The following RUNX1 variants were observed in gnomAD, a reference collection of about 807,000 sequenced individuals.
The protein encoded by RUNX1 is RUNX family transcription factor 1, also known as runt-related transcription factor 1.
Under a neutral mutation model 42.8 loss-of-function variants are expected in RUNX1, and 19 were observed. That is an observed-to-expected ratio of 0.44 (90% CI 0.31 to 0.65). The LOEUF (loss-of-function observed/expected upper bound fraction) is 0.65. Among genes scored for constraint, RUNX1 ranks in the 30% least tolerant of loss-of-function variants. The probability of loss-of-function intolerance (pLI) is 0.07; values close to 1 mark genes in which losing one functional copy is unlikely to be tolerated. For synonymous variants in RUNX1, 271 were observed against 289.4 expected (o/e 0.94, Z 0.64); for missense variants, 528 against 672.0 (o/e 0.79, Z 2.37).
rs2056577314 is a variant in RUNX1 at position 34,799,422 on chromosome 21, A to T, written c.846T>A (p.Asp282Glu). ...QIQPSPPWSYDQSYQYLGSIA... is the reference protein window; with the variant it reads ...QIQPSPPWSYEQSYQYLGSIA... ...TGGATCCCAGGTATTGGTAGGACTG[A>T]TCGTAGGACCACGGTGGGGATGGTT... Residue 282 changes from aspartate to glutamate, a missense_variant, in exon 8 of 9, where the codon GAT (aspartate) becomes GAA (glutamate). By Grantham distance (45) the Asp-to-Glu change is conservative. Around this residue, in one of 3 missense-constraint regions of RUNX1, gnomAD observed 331 missense variants for 382.5 expected, o/e 0.87. Coordinates refer to ENST00000675419, the MANE Select transcript of RUNX1 (RefSeq NM_001754.5). The T allele has an allele frequency of 6.2e-7, 1 of 1,614,190 alleles. No homozygotes were observed. The highest frequency in any genetic ancestry group is 2.2e-5 in the East Asian group (1 of 44,884).
chr21:34,909,023 T>C (rs757128904), intron 2 of RUNX1, among the ~76,000 whole-genome samples: 7 of 152,186 alleles, frequency 4.6e-5, no homozygotes, highest in Non-Finnish European at 1.0e-4. Flanking sequence ...CAATAGATTA[T>C]CCTATACCAA....
intron 2 of RUNX1, among the ~76,000 whole-genome samples, chr21:34,996,960 G>A (rs1374888366): frequency 6.6e-6 from 1 of 152,094 alleles, no homozygotes; most frequent in Non-Finnish European, 1.5e-5. Context: ...ATTTTCCATA[G>A]GGTTAACATC....
intron 7 of RUNX1, among the ~76,000 whole-genome samples, chr21:34,819,339 C>G (rs905020072): frequency 6.6e-6 from 1 of 152,226 alleles, no homozygotes; most frequent in South Asian, 2.1e-4. Context: ...GAGCCACACG[C>G]TATGGGAGGG....
chr21:34,989,866 C>G (rs577168762), intron 2 of RUNX1, among the ~76,000 whole-genome samples: 2 of 152,314 alleles, frequency 1.3e-5, no homozygotes, highest in Admixed American at 1.3e-4. Flanking sequence ...TGGGCTTTGC[C>G]TGCCACATCT....
intron 2 of RUNX1, among the ~76,000 whole-genome samples, chr21:35,017,554 CT>C (rs1423473364): frequency 6.6e-6 from 1 of 152,182 alleles, no homozygotes; most frequent in Non-Finnish European, 1.5e-5. Context: ...CTGAGGTCTA[CT>C]TTTCAGGCTA....
chr21:34,795,441 G>A (rs779663877), intron 8 of RUNX1, among the ~76,000 whole-genome samples: 13 of 151,992 alleles, frequency 8.6e-5, no homozygotes, highest in Non-Finnish European at 1.5e-4. Context: ...TGTACCTTTG[G>A]GGTGAATGTG....
At chr21:35,007,817 C>T (rs919162684) in intron 2 of RUNX1, among the ~76,000 whole-genome samples, 7 of 152,156 alleles carry the variant, frequency 4.6e-5, no homozygotes, top group African/African-American at 1.7e-4. Context: ...CTATTACCCC[C>T]AAACGCCGAT....
At chr21:34,833,323 C>T (rs975431334) in intron 7 of RUNX1, 2 of 152,234 alleles carry the variant, frequency 1.3e-5, no homozygotes, top group African/African-American at 4.8e-5. Flanking sequence ...CCAGGATGGT[C>T]TCCATCTCCT....
At chr21:34,804,449 A>G (rs2056651246) in intron 7 of RUNX1, among the ~76,000 whole-genome samples, 1 of 152,260 alleles carries the variant, frequency 6.6e-6, no homozygotes, top group African/African-American at 2.4e-5. Flanking sequence ...TTCTGAAAAC[A>G]TTAAATACAG....
chr21:34,963,107 G>C (rs778066725), intron 2 of RUNX1, among the ~76,000 whole-genome samples: 3 of 152,212 alleles, frequency 2.0e-5, no homozygotes, highest in African/African-American at 7.2e-5. Flanking sequence ...GACAGGGCTG[G>C]GACTCTGGTG....
chr21:34,836,363 T>C (rs1465055479), intron 6 of RUNX1, among the ~76,000 whole-genome samples: 7 of 152,234 alleles, frequency 4.6e-5, no homozygotes, highest in African/African-American at 1.7e-4. Context: ...CTCAGAAGTA[T>C]GAAAATGTCT....
At chr21:34,894,263 T>G (rs1457619475) in intron 2 of RUNX1, among the ~76,000 whole-genome samples, 1 of 152,112 alleles carries the variant, frequency 6.6e-6, no homozygotes, top group Non-Finnish European at 1.5e-5. Context: ...GAGAAGCTTT[T>G]CCATGTCTGA....
At chr21:35,001,429 T>C (rs2059042804) in intron 2 of RUNX1, among the ~76,000 whole-genome samples, 1 of 151,866 alleles carries the variant, frequency 6.6e-6, no homozygotes, top group Non-Finnish European at 1.5e-5. Flanking sequence ...ATAATTACTA[T>C]TCATTTTTCC....
intron 5 of RUNX1, among the ~76,000 whole-genome samples, chr21:34,861,437 G>A (rs2057573962): frequency 6.6e-6 from 1 of 152,186 alleles, no homozygotes; most frequent in Non-Finnish European, 1.5e-5. Flanking sequence ...ACATCCACAT[G>A]TTCCAGAGCT....
intron 2 of RUNX1, among the ~76,000 whole-genome samples, chr21:34,984,741 G>A (rs563762339): frequency 6.6e-6 from 1 of 152,338 alleles, no homozygotes; most frequent in East Asian, 1.9e-4. Context: ...GGGCTTGAGT[G>A]CAGAAGCACA....
intron 2 of RUNX1, among the ~76,000 whole-genome samples, chr21:34,919,452 T>C (rs1367744765): frequency 6.6e-6 from 1 of 152,170 alleles, no homozygotes; most frequent in Non-Finnish European, 1.5e-5. Flanking sequence ...ACTGACTTAC[T>C]ACATAACTAT....
chr21:34,927,733 C>T (rs974878639), intron 2 of RUNX1, among the ~76,000 whole-genome samples: 3 of 152,198 alleles, frequency 2.0e-5, no homozygotes, highest in African/African-American at 7.2e-5. Context: ...GGGCCTGCCA[C>T]ATAGTAGGCT....
At chr21:34,841,642 G>C (rs2057237008) in intron 6 of RUNX1, among the ~76,000 whole-genome samples, 1 of 152,190 alleles carries the variant, frequency 6.6e-6, no homozygotes, top group Non-Finnish European at 1.5e-5. Flanking sequence ...TGGCCACCTT[G>C]CTCTTGCCCC....
Position 34,855,770 on chromosome 21 carries a change from G to A in RUNX1, c.613+3704C>T, listed in dbSNP as rs893096730. ...TATCCTTTTCTTGAAAAATCCTTTC[G>A]CTCTATCTTTTGTGCTTAAGGAGGA... On this transcript the variant is annotated intron_variant, in intron 6 of 8. Transcript: ENST00000675419. Among the ~76,000 whole-genome samples the A allele has an allele frequency of 2.6e-5, 4 of 152,162 alleles. No individual in the cohort carries two copies. In the East Asian group the frequency reaches 7.7e-4, roughly 29 times the overall value.
Sources: gnomAD v4.1 joint callset for allele counts (sites outside exome capture counted in the v4.1 genomes callset) on GRCh38, gnomAD v4.1.1 for gene constraint, gnomAD v4.1.1 regional missense constraint, MANE v1.5 for transcripts, NCBI Gene and HGNC (gene_info 2026-07-23, HGNC 2026-07-21) for gene names.